The following KIF4A variants were observed in gnomAD, a reference collection of about 807,000 sequenced individuals.
KIF4A encodes chromosome-associated kinesin KIF4A.
A neutral mutation model predicts 105.9 loss-of-function variants in KIF4A; 7 were observed. The observed-to-expected ratio is 0.07, with a 90% confidence interval of 0.04 to 0.12. KIF4A has a LOEUF of 0.12. Ranked by LOEUF, KIF4A falls within the 10% of genes least tolerant of loss-of-function variation. The probability of loss-of-function intolerance (pLI) is 1.00; values close to 1 mark genes in which losing one functional copy is unlikely to be tolerated. For missense variants in KIF4A, 558 were observed against 929.2 expected (o/e 0.60, Z 5.19); for synonymous variants, 281 against 331.3 (o/e 0.85, Z 1.65).
chrX:70,349,209 G>A, intron 13 of KIF4A, among the ~76,000 whole-genome samples: 1 of 103,810 alleles, frequency 9.6e-6, no homozygotes, highest in Middle Eastern at 5.3e-3. Flanking sequence ...CGGCCGGGCA[G>A]AGGCGCTCCT....
chrX:70,404,857 A>T (rs1164452846), intron 25 of KIF4A, 35 bp downstream of exon 25: 4 of 916,868 alleles, frequency 4.4e-6, no homozygotes, highest in South Asian at 4.3e-5. Flanking sequence ...GATGAGTTTC[A>T]CAGTACTAAC....
chrX:70,364,957 C>T (rs778773716), intron 15 of KIF4A, among the ~76,000 whole-genome samples: 3 of 111,500 alleles, frequency 2.7e-5, no homozygotes, highest in African/African-American at 9.8e-5. Context: ...AGGTCCTTCA[C>T]ATCCCTTGTA....
intron 9 of KIF4A, among the ~76,000 whole-genome samples, chrX:70,332,456 G>C (rs867486659): frequency 9.0e-6 from 1 of 111,584 alleles, no homozygotes; most frequent in South Asian, 3.8e-4. Flanking sequence ...TATTTCATTG[G>C]AACAATGTAG....
chrX:70,396,093 G>A (rs763036785), intron 22 of KIF4A, 44 bp downstream of exon 22: 1 of 960,136 alleles, frequency 1.0e-6, no homozygotes, highest in East Asian at 3.1e-5. Context: ...TTTATGCCTG[G>A]AATCAAAAAT....
chrX:70,414,427 A>G (rs998685211), intron 28 of KIF4A, among the ~76,000 whole-genome samples: 1 of 112,134 alleles, frequency 8.9e-6, no homozygotes, highest in African/African-American at 3.2e-5. Context: ...CCTCATGAAC[A>G]GGACTACTGG....
At chrX:70,339,770 G>A (rs1456321781) in intron 10 of KIF4A, among the ~76,000 whole-genome samples, 5 of 111,463 alleles carry the variant, frequency 4.5e-5, no homozygotes, top group African/African-American at 9.8e-5. Context: ...TGTGAGTGTC[G>A]GTCAATTTGC....
rs2085761760 is a variant in KIF4A at position 70,291,707 on chromosome X, A to T, written c.235+902A>T. On this transcript the variant is annotated intron_variant, in intron 3 of 30. Coordinates refer to ENST00000374403, the MANE Select transcript of KIF4A (RefSeq NM_012310.5). Reference sequence around the variant, plus strand: ...TGAAAGAGACATTTGTATATCATCTAGTTTGTTTTTCATCCAAAGAAAAAT... The same window carrying T: ...TGAAAGAGACATTTGTATATCATCTTGTTTGTTTTTCATCCAAAGAAAAAT... Among the ~76,000 whole-genome samples, 3 of 112,046 alleles carry T rather than the reference A, an allele frequency of 2.7e-5. No individual in the cohort carries two copies. The South Asian group carries it at 1.1e-3, about 42-fold the overall frequency.
Position 70,290,401 on chromosome X carries a change from A to G in KIF4A, c.-21-37A>G, listed in dbSNP as rs1294594770. The G allele has an allele frequency of 6.8e-6, 8 of 1,181,371 alleles. No individual in the cohort carries two copies. The African/African-American group carries it at 1.1e-4, about 16-fold the overall frequency. On this transcript the variant is annotated intron_variant, in intron 1 of 30. Coordinates refer to ENST00000374403, the MANE Select transcript of KIF4A (RefSeq NM_012310.5). ...GCCCTCCCACCCCTGCTGACCTACT[A>G]ACATTCATCAGCGAGCCTTCTTTTT...
intron 5 of KIF4A, among the ~76,000 whole-genome samples, chrX:70,300,168 A>AT (rs972511351): frequency 1.8e-5 from 2 of 110,295 alleles, no homozygotes; most frequent in East Asian, 2.9e-4. Flanking sequence ...TGTGCTCCTG[A>AT]TTTTTTTTTC....
intron 7 of KIF4A, among the ~76,000 whole-genome samples, chrX:70,323,974 T>G (rs1368513936): frequency 9.1e-6 from 1 of 110,275 alleles, no homozygotes; most frequent in Non-Finnish European, 1.9e-5. Context: ...ACTTCAGATG[T>G]GCACCATCAC....
Position 70,407,012 on chromosome X carries a change from G to A in KIF4A, c.3192G>A (p.Glu1064=). 8.3e-7 allele frequency: 1 copy of A among 1,209,432 alleles called. No homozygotes were observed. The highest frequency in any genetic ancestry group is 1.1e-6 in the Non-Finnish European group (1 of 894,171). ...EHEDGDGDDD[E]GDDEEWKPTK... ...AGGATGGTGATGGTGATGATGATGAGGGGGATGACGAGGAATGGAAGCCAA... is the reference window on the plus strand; with the variant it reads ...AGGATGGTGATGGTGATGATGATGAAGGGGATGACGAGGAATGGAAGCCAA... The change falls in exon 28 of 31, where the codon GAG becomes GAA. Residue 1064 remains glutamate, a synonymous_variant. Transcript: ENST00000374403.
At chrX:70,312,311 AT>A (rs1350862492) in intron 7 of KIF4A, among the ~76,000 whole-genome samples, 10 of 109,402 alleles carry the variant, frequency 9.1e-5, no homozygotes, top group Non-Finnish European at 1.9e-4. Flanking sequence ...CGTCCAGCTA[AT>A]TTTTGCATTT....
intron 7 of KIF4A, among the ~76,000 whole-genome samples, chrX:70,318,180 C>T (rs894749195): frequency 8.9e-6 from 1 of 111,835 alleles, no homozygotes; most frequent in African/African-American, 3.2e-5. Flanking sequence ...GCCCGGCCTC[C>T]CCTTGCTTTC....
intron 10 of KIF4A, among the ~76,000 whole-genome samples, chrX:70,335,508 C>T (rs1350171879): frequency 8.9e-6 from 1 of 112,241 alleles, no homozygotes; most frequent in Non-Finnish European, 1.9e-5. Flanking sequence ...GAACAACACA[C>T]TTAAAGGTGA....
chrX:70,373,518 G>GTATATA (rs1181391456), intron 15 of KIF4A, among the ~76,000 whole-genome samples: 1 of 6,955 alleles, frequency 1.4e-4, no homozygotes, highest in African/African-American at 5.6e-4. Context: ...ATACATGTGT[G>GTATATA]TGTATGTATA....
intron 15 of KIF4A, among the ~76,000 whole-genome samples, chrX:70,373,221 A>G (rs1458793156): frequency 9.4e-6 from 1 of 105,936 alleles, no homozygotes; most frequent in Non-Finnish European, 1.9e-5. Flanking sequence ...GCAGTGAACC[A>G]TGATCATGCC....
chrX:70,349,903 A>G (rs1356987690), intron 13 of KIF4A, among the ~76,000 whole-genome samples: 1 of 92,766 alleles, frequency 1.1e-5, no homozygotes. Flanking sequence ...GCGGCCGGGC[A>G]GAGACGCTCC....
At chrX:70,324,717 A>G (rs1320066547) in intron 7 of KIF4A, among the ~76,000 whole-genome samples, 2 of 112,012 alleles carry the variant, frequency 1.8e-5, no homozygotes, top group Non-Finnish European at 3.8e-5. Context: ...AAGAATGGTA[A>G]AGGGTTTTTT....
In KIF4A at chrX:70,341,788, CTTTG is replaced by C. The variant is rs934191695; in HGVS notation, c.1134-7_1134-4del. On this transcript the variant is annotated splice_region_variant and splice_polypyrimidine_tract_variant and intron_variant, in intron 10 of 30. Coordinates refer to ENST00000374403, the MANE Select transcript of KIF4A (RefSeq NM_012310.5). ...AGATATTTTTCTAATATGTTATTTA[CTTTG>C]TTTTAGTGTGGAACCATCAGAGAAT... 7.5e-6 allele frequency: 9 copies of C among 1,199,237 alleles called. No individual in the cohort carries two copies. Among genetic ancestry groups the C allele is most frequent in the Non-Finnish European group, 1.0e-5 (9 of 887,584 alleles).
Sources: allele counts gnomAD v4.1 joint callset (sites outside exome capture counted in the v4.1 genomes callset), GRCh38; gene constraint gnomAD v4.1.1; transcripts MANE v1.5; gene names NCBI Gene and HGNC (gene_info 2026-07-23, HGNC 2026-07-21).